The following CTNND2 variants were observed in gnomAD, a reference collection of about 807,000 sequenced individuals.
CTNND2 encodes catenin delta 2, also known as catenin delta-2.
Under a neutral mutation model 144.4 loss-of-function variants are expected in CTNND2, and 22 were observed. The observed-to-expected ratio is 0.15, with a 90% confidence interval of 0.11 to 0.22. CTNND2 has a LOEUF of 0.22. Ranked by LOEUF, CTNND2 falls within the 10% of genes least tolerant of loss-of-function variation. The probability of loss-of-function intolerance (pLI) is 1.00; values close to 1 mark genes in which losing one functional copy is unlikely to be tolerated. For missense variants in CTNND2, 1,353 were observed against 1,618.8 expected (o/e 0.84, Z 2.82); for synonymous variants, 751 against 695.6 (o/e 1.08, Z -1.25).
chr5:11,451,202 T>C (rs927843169), intron 3 of CTNND2, among the ~76,000 whole-genome samples: 1 of 152,114 alleles, frequency 6.6e-6, no homozygotes, highest in Non-Finnish European at 1.5e-5. Context: ...GTATGTGGTA[T>C]CTGTCCCGTA....
At chr5:11,876,908 T>G (rs1735609674) in intron 1 of CTNND2, among the ~76,000 whole-genome samples, 1 of 152,332 alleles carries the variant, frequency 6.6e-6, no homozygotes, top group African/African-American at 2.4e-5. Flanking sequence ...CTGAATTCCC[T>G]TGTTAATTAT....
At chr5:11,009,665 G>C (rs1324588023) in intron 18 of CTNND2, among the ~76,000 whole-genome samples, 2 of 152,204 alleles carry the variant, frequency 1.3e-5, no homozygotes, top group Non-Finnish European at 2.9e-5. Flanking sequence ...ATTCAAAAAT[G>C]TTACGAGCGA....
At chr5:11,583,191 T>C (rs1297344352) in intron 2 of CTNND2, among the ~76,000 whole-genome samples, 1 of 152,184 alleles carries the variant, frequency 6.6e-6, no homozygotes, top group Non-Finnish European at 1.5e-5. Flanking sequence ...TTATAACAGT[T>C]GCCCTGGGAA....
At chr5:11,650,298 T>C (rs544255344) in intron 2 of CTNND2, among the ~76,000 whole-genome samples, 10 of 152,246 alleles carry the variant, frequency 6.6e-5, no homozygotes, top group African/African-American at 2.4e-4. Flanking sequence ...TGATAGTGAG[T>C]TTCCTGAGGT....
chr5:11,362,372 T>C (rs961892122), intron 8 of CTNND2, among the ~76,000 whole-genome samples: 12 of 152,192 alleles, frequency 7.9e-5, no homozygotes, highest in Admixed American at 2.0e-4. Flanking sequence ...TTCTCATACA[T>C]GCAGGTTGTG....
rs567138056 is a variant in CTNND2 at position 11,680,633 on chromosome 5, C to T, written c.174+51503G>A. Among the ~76,000 whole-genome samples, 206 of 152,212 alleles carry T rather than the reference C, an allele frequency of 1.4e-3. 3 individuals carry two copies. Among genetic ancestry groups the T allele is most frequent in the Non-Finnish European group, 2.4e-3 (160 of 68,016 alleles). ...CGTGCACTTAAAACAACCAAAATAT[C>T]GTTCCTATCAGGAAATGAATAGGAG... On this transcript the variant is annotated intron_variant, in intron 2 of 21. Coordinates refer to ENST00000304623, the MANE Select transcript of CTNND2 (RefSeq NM_001332.4).
intron 9 of CTNND2, among the ~76,000 whole-genome samples, chr5:11,330,352 C>T (rs534646543): frequency 1.5e-3 from 223 of 147,084 alleles, no homozygotes; most frequent in Middle Eastern, 3.6e-3. Flanking sequence ...GGCGTGGTGG[C>T]GGGCACCTGT....
rs543916350 is a variant in CTNND2, at chr5:11,376,326, G to GTGTGTGTGTTCATGTATC, written c.1177+8338_1177+8339insGATACATGAACACACACA. On this transcript the variant is annotated intron_variant, in intron 7 of 21. Coordinates refer to ENST00000304623, the MANE Select transcript of CTNND2 (RefSeq NM_001332.4). ...GATGAATGCCTTTGTGTGTGTGTGTGTGTGTGTGTGTGTGTGTGTGTATTT... is the reference window on the plus strand; with the variant it reads ...GATGAATGCCTTTGTGTGTGTGTGTGTGTGTGTGTTCATGTATCTGTGTGTGTGTGTGTGTGTGTATTT... 3.3e-3 allele frequency among the ~76,000 whole-genome samples: 496 copies of GTGTGTGTGTTCATGTATC among 152,058 alleles called. 8 individuals carry two copies. The East Asian group carries it at 0.038, about 12-fold the overall frequency.
intron 7 of CTNND2, among the ~76,000 whole-genome samples, chr5:11,376,651 G>A (rs73742820): frequency 0.011 from 1,669 of 152,208 alleles, 32 homozygotes; most frequent in African/African-American, 0.038. Flanking sequence ...CACTCCATAC[G>A]CTTGTACTAT....
intron 3 of CTNND2, among the ~76,000 whole-genome samples, chr5:11,481,758 T>C (rs75307273): frequency 1.7e-3 from 264 of 152,220 alleles, no homozygotes; most frequent in African/African-American, 5.6e-3. Context: ...TTATTTGTAA[T>C]AGTCATATTT....
chr5:11,370,922 G>T, intron 7 of CTNND2, among the ~76,000 whole-genome samples: 1 of 152,178 alleles, frequency 6.6e-6, no homozygotes. Flanking sequence ...AATTTCTTAT[G>T]ATATGAAGAA....
intron 1 of CTNND2, among the ~76,000 whole-genome samples, chr5:11,777,154 A>T (rs1358910255): frequency 6.6e-6 from 1 of 152,254 alleles, no homozygotes; most frequent in East Asian, 1.9e-4. Context: ...TTGTTTAAAT[A>T]TATTACCATA....
intron 15 of CTNND2, among the ~76,000 whole-genome samples, chr5:11,086,696 C>T (rs1406655090): frequency 6.6e-6 from 1 of 152,166 alleles, no homozygotes; most frequent in African/African-American, 2.4e-5. Flanking sequence ...TATCTTTTAA[C>T]CCTTTAAGGC....
chr5:11,466,029 G>A (rs527261718), intron 3 of CTNND2, among the ~76,000 whole-genome samples: 1 of 152,208 alleles, frequency 6.6e-6, no homozygotes, highest in African/African-American at 2.4e-5. Flanking sequence ...TTATTGAAGA[G>A]GTGGGGTTTT....
intron 3 of CTNND2, among the ~76,000 whole-genome samples, chr5:11,413,147 T>C (rs905345929): frequency 1.3e-5 from 2 of 152,160 alleles, no homozygotes; most frequent in African/African-American, 2.4e-5. Flanking sequence ...TTTATAATAA[T>C]GAGAGCTGTA....
intron 18 of CTNND2, among the ~76,000 whole-genome samples, chr5:10,997,418 C>T (rs748363835): frequency 6.6e-6 from 1 of 151,884 alleles, no homozygotes; most frequent in Non-Finnish European, 1.5e-5. Flanking sequence ...ATGGTGAAAC[C>T]CCGTCTTTAC....
At chr5:11,097,895 CA>C (rs1751509174) in intron 15 of CTNND2, among the ~76,000 whole-genome samples, 1 of 152,110 alleles carries the variant, frequency 6.6e-6, no homozygotes, top group Non-Finnish European at 1.5e-5. Context: ...TTTTATGCAA[CA>C]AAGCAAATTA....
intron 11 of CTNND2, among the ~76,000 whole-genome samples, chr5:11,165,092 C>T (rs976906789): frequency 1.2e-4 from 19 of 152,116 alleles, no homozygotes; most frequent in African/African-American, 2.9e-4. Context: ...AGCAAAATGA[C>T]GTCATGCCTA....
At chr5:11,004,483 G>T (rs1283966617) in intron 18 of CTNND2, among the ~76,000 whole-genome samples, 2 of 152,138 alleles carry the variant, frequency 1.3e-5, no homozygotes, top group Admixed American at 6.5e-5. Flanking sequence ...CTTCTGACAG[G>T]CCGGGCGCAG....
Sources: gnomAD v4.1 joint callset for allele counts (sites outside exome capture counted in the v4.1 genomes callset) on GRCh38, gnomAD v4.1.1 for gene constraint, MANE v1.5 for transcripts, NCBI Gene and HGNC (gene_info 2026-07-23, HGNC 2026-07-21) for gene names.